CTNNA3: variants seen among roughly 807,000 people sequenced by gnomAD.
The protein encoded by CTNNA3 is catenin alpha 3, also known as catenin alpha-3.
Under a neutral mutation model 95.7 loss-of-function variants are expected in CTNNA3, and 76 were observed. The observed-to-expected ratio is 0.79, with a 90% CI of 0.66 to 0.96. CTNNA3 has a LOEUF of 0.96. Ranked by LOEUF, CTNNA3 falls within the 40% of genes least tolerant of loss-of-function variation. The pLI is 0.00. For synonymous variants in CTNNA3, 431 were observed against 374.4 expected, an observed-to-expected ratio of 1.15 and a Z score of -1.74; for missense variants, 1,191 against 1,089.8, an observed-to-expected ratio of 1.09 and a Z score of -1.31.
chr10:67,532,968 C>T (rs1349636110), intron 4 of CTNNA3, among the ~76,000 whole-genome samples: 3 of 152,086 alleles, frequency 2.0e-5, no homozygotes, highest in Non-Finnish European at 4.4e-5. Context: ...CCACGATGTC[C>T]TGACCCAGTA....
chr10:66,979,720 G>A (rs1418680297), intron 7 of CTNNA3, among the ~76,000 whole-genome samples: 6 of 152,130 alleles, frequency 3.9e-5, no homozygotes, highest in African/African-American at 1.4e-4. Flanking sequence ...CACATTGAGT[G>A]CCCAATAAAT....
intron 7 of CTNNA3, among the ~76,000 whole-genome samples, chr10:66,978,733 T>C (rs1377514231): frequency 6.7e-6 from 1 of 148,928 alleles, no homozygotes; most frequent in African/African-American, 2.4e-5. Context: ...TTACTAAACC[T>C]GTCACATTAT....
chr10:67,678,301 G>A (rs1384967889), intron 1 of CTNNA3, among the ~76,000 whole-genome samples: 1 of 152,090 alleles, frequency 6.6e-6, no homozygotes, highest in Admixed American at 6.6e-5. Context: ...AAAAAGAAAA[G>A]AAAGTTGACT....
intron 7 of CTNNA3, among the ~76,000 whole-genome samples, chr10:66,953,176 A>T (rs1331524194): frequency 6.6e-6 from 1 of 152,172 alleles, no homozygotes; most frequent in Non-Finnish European, 1.5e-5. Context: ...TGGGCTCATA[A>T]CTTAGTTCCC....
intron 1 of CTNNA3, among the ~76,000 whole-genome samples, chr10:67,730,365 A>G (rs1490243846): frequency 6.6e-6 from 1 of 151,990 alleles, no homozygotes; most frequent in African/African-American, 2.4e-5. Flanking sequence ...ATTTTTGTTA[A>G]CCCTACCATT....
intron 10 of CTNNA3, among the ~76,000 whole-genome samples, chr10:66,616,581 G>C (rs1844522294): frequency 6.6e-6 from 1 of 152,038 alleles, no homozygotes; most frequent in Non-Finnish European, 1.5e-5. Flanking sequence ...TATGCTCCAA[G>C]TGACAAATCT....
chr10:67,438,389 G>A (rs1363827690), intron 5 of CTNNA3, among the ~76,000 whole-genome samples: 2 of 152,156 alleles, frequency 1.3e-5, no homozygotes. Flanking sequence ...CGTGAAGGCA[G>A]TACATAGACC....
chr10:66,586,910 G>T (rs991602004), intron 10 of CTNNA3, among the ~76,000 whole-genome samples: 4 of 152,222 alleles, frequency 2.6e-5, no homozygotes, highest in African/African-American at 9.6e-5. Flanking sequence ...CCAAAAAATA[G>T]TAGTCCCTGA....
intron 7 of CTNNA3, among the ~76,000 whole-genome samples, chr10:67,049,253 G>A (rs916176089): frequency 6.6e-6 from 1 of 152,028 alleles, no homozygotes; most frequent in Non-Finnish European, 1.5e-5. Context: ...CATGTAGACC[G>A]TGCCTGATAA....
chr10:67,013,138 G>A (rs1852445077), intron 7 of CTNNA3: 1 of 152,088 alleles, frequency 6.6e-6, no homozygotes, highest in African/African-American at 2.4e-5. Context: ...AAGGCTCAGA[G>A]AAGTTAGGTG....
At chr10:66,449,237 C>T (rs1229130172) in intron 11 of CTNNA3, among the ~76,000 whole-genome samples, 1 of 151,978 alleles carries the variant, frequency 6.6e-6, no homozygotes, top group South Asian at 2.1e-4. Flanking sequence ...ACATTGAGTG[C>T]TGAATCCACA....
chr10:66,531,339 G>T (rs535977429), intron 10 of CTNNA3, among the ~76,000 whole-genome samples: 23 of 152,204 alleles, frequency 1.5e-4, no homozygotes, highest in Admixed American at 1.2e-3. Context: ...TCATTAAAAT[G>T]CTTGTTACAA....
At chr10:67,488,000 C>A (rs188428753) in intron 5 of CTNNA3, among the ~76,000 whole-genome samples, 1 of 152,224 alleles carries the variant, frequency 6.6e-6, no homozygotes, top group Non-Finnish European at 1.5e-5. Context: ...GCATCCCGCT[C>A]ACACTGTCTA....
chr10:67,172,508 G>A (rs1862062237), intron 7 of CTNNA3, among the ~76,000 whole-genome samples: 1 of 151,808 alleles, frequency 6.6e-6, no homozygotes, highest in Non-Finnish European at 1.5e-5. Flanking sequence ...ATGTATTCTT[G>A]TGTTTATTAT....
At chr10:66,288,003 AAGG>A (rs2091619192) in intron 12 of CTNNA3, among the ~76,000 whole-genome samples, 2 of 152,106 alleles carry the variant, frequency 1.3e-5, no homozygotes, top group African/African-American at 4.8e-5. Flanking sequence ...AGGTACTGCT[AAGG>A]AATGACAAAC....
intron 1 of CTNNA3, chr10:67,750,921 AG>A (rs561405939): frequency 9.1e-5 from 147 of 1,609,918 alleles, no homozygotes; most frequent in Non-Finnish European, 1.2e-4. Context: ...ACAGCCCCCT[AG>A]GCTCTCCGGA....
chr10:66,171,314 C>A (rs936477518), intron 13 of CTNNA3, among the ~76,000 whole-genome samples: 4 of 151,504 alleles, frequency 2.6e-5, no homozygotes, highest in Non-Finnish European at 4.4e-5. Context: ...GTGGCTCACA[C>A]CTGTAATCCC....
chr10:66,125,608 T>C (rs897977729), intron 13 of CTNNA3, among the ~76,000 whole-genome samples: 5 of 151,998 alleles, frequency 3.3e-5, no homozygotes, highest in Non-Finnish European at 7.4e-5. Flanking sequence ...ATGTGAAAGG[T>C]CTGCAGCATC....
intron 11 of CTNNA3, among the ~76,000 whole-genome samples, chr10:66,513,571 T>C (rs1237113984): frequency 1.3e-5 from 2 of 152,144 alleles, no homozygotes; most frequent in Non-Finnish European, 2.9e-5. Flanking sequence ...AGTGGCCCTG[T>C]TATTGCTGGG....
Sources: gnomAD v4.1 joint callset for allele counts (sites outside exome capture counted in the v4.1 genomes callset) on GRCh38, gnomAD v4.1.1 for gene constraint, MANE v1.5 for transcripts, NCBI Gene and HGNC (gene_info 2026-07-23, HGNC 2026-07-21) for gene names.